Variants in PHACTR1 observed in about 807,000 individuals in gnomAD.
PHACTR1 encodes the protein RPEL repeat containing 1.
Under a neutral mutation model 69.2 loss-of-function variants are expected in PHACTR1, and 16 were observed. That is an observed-to-expected ratio of 0.23 (90% confidence interval 0.16 to 0.35). The LOEUF (loss-of-function observed/expected upper bound fraction) is 0.35. Ranked by LOEUF, PHACTR1 falls within the 10% of genes least tolerant of loss-of-function variation. The pLI, the probability that PHACTR1 is intolerant of heterozygous loss-of-function variation, is 1.00. For synonymous variants in PHACTR1, 312 were observed against 284.5 expected (o/e 1.10, Z -0.97); for missense variants, 510 against 734.7 (o/e 0.69, Z 3.54).
At chr6:12,795,855 C>T (rs757860087) in intron 4 of PHACTR1, among the ~76,000 whole-genome samples, 7 of 148,194 alleles carry the variant, frequency 4.7e-5, no homozygotes, top group Non-Finnish European at 8.9e-5. Context: ...AGAATACTGT[C>T]TCCTCTTAGC....
intron 7 of PHACTR1, among the ~76,000 whole-genome samples, chr6:13,187,381 G>A (rs1401476905): frequency 6.6e-6 from 1 of 152,202 alleles, no homozygotes; most frequent in East Asian, 1.9e-4. Flanking sequence ...TATAGAAAAT[G>A]AGGGAAGAGT....
intron 4 of PHACTR1, among the ~76,000 whole-genome samples, chr6:12,995,946 A>G (rs1032448200): frequency 1.3e-5 from 2 of 152,114 alleles, no homozygotes; most frequent in Non-Finnish European, 2.9e-5. Flanking sequence ...TGCTTAAAAC[A>G]TATGTTTGGA....
At chr6:13,104,607 C>T (rs565187212) in intron 5 of PHACTR1, among the ~76,000 whole-genome samples, 11 of 152,224 alleles carry the variant, frequency 7.2e-5, no homozygotes, top group African/African-American at 2.4e-4. Flanking sequence ...ATTCCATTAA[C>T]TTATGAAACT....
At position 13,241,311 on chromosome 6, in the gene PHACTR1, C is replaced by G. The variant is rs115178376; in HGVS notation, c.1391+11118C>G. Among the ~76,000 whole-genome samples the G allele has an allele frequency of 3.8e-3, 577 of 152,248 alleles. 2 individuals carry two copies. Among genetic ancestry groups the G allele is most frequent in the Non-Finnish European group, 6.8e-3 (463 of 68,012 alleles). ...AACAGAGGTCCAATGCAGTGGTTCT[C>G]CTGGTGTGGCCCTTGGGCTAATGGC... is the stretch of plus-strand genomic sequence containing the variant. On this transcript the variant is annotated intron_variant, in intron 10 of 14. Transcript: ENST00000332995.
At chr6:13,094,354 G>A (rs987638912) in intron 5 of PHACTR1, among the ~76,000 whole-genome samples, 1 of 151,066 alleles carries the variant, frequency 6.6e-6, no homozygotes, top group Admixed American at 6.6e-5. Context: ...GAGTTCAGTG[G>A]CACAATCTTG....
rs903344836 is a variant in PHACTR1, at chr6:12,777,786, C to T, written c.250+27996C>T. On this transcript the variant is annotated intron_variant, in intron 4 of 14. Transcript: ENST00000332995. ...AGCTGGGATTACAGGTGCCTGCCAC[C>T]GTGCCCGGCTAATTTTTCTATTTTT... Among the ~76,000 whole-genome samples, 7 of 152,134 alleles carry T rather than the reference C, an allele frequency of 4.6e-5. 1 individual carries two copies. The South Asian group carries it at 1.0e-3, about 23-fold the overall frequency.
At chr6:13,277,946 T>TC in intron 11 of PHACTR1, 1 of 179,914 alleles carries the variant, frequency 5.6e-6, no homozygotes, top group Admixed American at 5.9e-5. Flanking sequence ...CGAGACCGTG[T>TC]CAAAAAAAAA....
At chr6:13,058,403 G>T (rs1807121949) in intron 5 of PHACTR1, among the ~76,000 whole-genome samples, 1 of 152,088 alleles carries the variant, frequency 6.6e-6, no homozygotes, top group Non-Finnish European at 1.5e-5. Context: ...AAGATTTTCT[G>T]CACACCTAGG....
intron 5 of PHACTR1, among the ~76,000 whole-genome samples, chr6:13,119,144 C>A (rs1241069711): frequency 6.6e-6 from 1 of 152,090 alleles, no homozygotes; most frequent in East Asian, 1.9e-4. Flanking sequence ...CTGTTTCTCC[C>A]CAAGCATATT....
At chr6:12,968,649 C>T (rs1793783132) in intron 4 of PHACTR1, among the ~76,000 whole-genome samples, 1 of 152,098 alleles carries the variant, frequency 6.6e-6, no homozygotes, top group African/African-American at 2.4e-5. Context: ...TTTTTTGTCA[C>T]TAAAATGCGA....
intron 4 of PHACTR1, among the ~76,000 whole-genome samples, chr6:12,992,077 G>A (rs1409528459): frequency 1.3e-5 from 2 of 151,850 alleles, no homozygotes; most frequent in East Asian, 3.9e-4. Context: ...CTGACTTAAA[G>A]GAAGCTACAG....
chr6:13,241,580 T>G (rs1772845041), intron 10 of PHACTR1, among the ~76,000 whole-genome samples: 1 of 152,184 alleles, frequency 6.6e-6, no homozygotes. Flanking sequence ...CTGTCAAGCC[T>G]TAGTTTCCAC....
At chr6:12,907,465 A>G (rs1785869515) in intron 4 of PHACTR1, among the ~76,000 whole-genome samples, 1 of 152,228 alleles carries the variant, frequency 6.6e-6, no homozygotes, top group Admixed American at 6.5e-5. Context: ...GAAAGCATTC[A>G]TTTCCACTCA....
At chr6:13,132,100 T>C (rs1820562000) in intron 5 of PHACTR1, among the ~76,000 whole-genome samples, 1 of 152,212 alleles carries the variant, frequency 6.6e-6, no homozygotes, top group Non-Finnish European at 1.5e-5. Context: ...CAAATTCATC[T>C]ATTACAGTAG....
chr6:13,064,606 CTATATATCTATCTA>C (rs1323993660), intron 5 of PHACTR1, among the ~76,000 whole-genome samples: 2,282 of 13,692 alleles, frequency 0.17, 469 homozygotes, highest in African/African-American at 0.37. Context: ...ATATATATAT[CTATATATCTATCTA>C]TCCACACTTG....
chr6:13,131,036 A>G (rs1820321949), intron 5 of PHACTR1, among the ~76,000 whole-genome samples: 1 of 152,166 alleles, frequency 6.6e-6, no homozygotes, highest in Non-Finnish European at 1.5e-5. Context: ...ACAGCACATC[A>G]ACAGAATTAA....
chr6:13,133,296 T>C (rs1022043552), intron 5 of PHACTR1, among the ~76,000 whole-genome samples: 2 of 132,508 alleles, frequency 1.5e-5, no homozygotes, highest in African/African-American at 5.6e-5. Context: ...CTCCCCACAG[T>C]CTCCCTCTCC....
At chr6:12,807,133 G>A (rs1000528964) in intron 4 of PHACTR1, among the ~76,000 whole-genome samples, 1 of 152,028 alleles carries the variant, frequency 6.6e-6, no homozygotes, top group Non-Finnish European at 1.5e-5. Context: ...TAACACATGT[G>A]TGCTTTCATA....
chr6:13,190,095 C>T (rs1364610685), intron 7 of PHACTR1, among the ~76,000 whole-genome samples: 1 of 149,402 alleles, frequency 6.7e-6, no homozygotes, highest in Non-Finnish European at 1.5e-5. Context: ...ATGATCTTGG[C>T]TCCCTGCAAC....
Sources: gnomAD v4.1 joint callset for allele counts (sites outside exome capture counted in the v4.1 genomes callset) on GRCh38, gnomAD v4.1.1 for gene constraint, MANE v1.5 for transcripts, NCBI Gene and HGNC (gene_info 2026-07-23, HGNC 2026-07-21) for gene names.